The following FAR1 variants were observed in gnomAD, a reference collection of about 807,000 sequenced individuals.
FAR1 encodes male sterility domain-containing protein 2.
In FAR1, 22 loss-of-function variants were observed where a neutral mutation model predicts 61.1. The observed-to-expected ratio is 0.36, with a 90% CI of 0.26 to 0.51. The LOEUF is 0.51. Among genes scored for constraint, FAR1 ranks in the 20% least tolerant of loss-of-function variants. The pLI is 0.95. For synonymous variants in FAR1, 206 were observed against 209.7 expected (o/e 0.98, Z 0.15); for missense variants, 359 against 626.9 (o/e 0.57, Z 4.56).
chr11:13,725,480 A>G (rs1848659467), intron 10 of FAR1, among the ~76,000 whole-genome samples: 1 of 152,010 alleles, frequency 6.6e-6, no homozygotes, highest in African/African-American at 2.4e-5. Flanking sequence ...TGGAAAATAG[A>G]TTAGAGAGAT....
chr11:13,714,770 CTTA>C, intron 9 of FAR1, 90 bp downstream of exon 9: 1 of 1,238,320 alleles, frequency 8.1e-7, no homozygotes, highest in Middle Eastern at 2.0e-4. Context: ...TTTGTTTATG[CTTA>C]TGATAAGGCT....
At chr11:13,686,971 G>A (rs1848193591) in intron 1 of FAR1, among the ~76,000 whole-genome samples, 2 of 152,146 alleles carry the variant, frequency 1.3e-5, no homozygotes, top group Admixed American at 1.3e-4. Context: ...TTGCAAATGA[G>A]GAAACAGGTT....
At chr11:13,706,812 C>T (rs1848437710) in intron 3 of FAR1, among the ~76,000 whole-genome samples, 1 of 152,094 alleles carries the variant, frequency 6.6e-6, no homozygotes, top group Non-Finnish European at 1.5e-5. Context: ...TGTTTGGTGA[C>T]TATGTTAGAA....
At chr11:13,689,196 G>A (rs567415526) in intron 1 of FAR1, among the ~76,000 whole-genome samples, 6 of 152,160 alleles carry the variant, frequency 3.9e-5, no homozygotes, top group African/African-American at 1.2e-4. Flanking sequence ...AATAAATTCA[G>A]AAAGTCCATA....
At chr11:13,695,765 CTT>C (rs1565344090) in intron 2 of FAR1, among the ~76,000 whole-genome samples, 1 of 152,176 alleles carries the variant, frequency 6.6e-6, no homozygotes, top group Non-Finnish European at 1.5e-5. Flanking sequence ...ACCAACCAGA[CTT>C]TTGACTTTGA....
chr11:13,693,324 T>C (rs143741784), intron 1 of FAR1, among the ~76,000 whole-genome samples: 4 of 152,344 alleles, frequency 2.6e-5, no homozygotes, highest in Non-Finnish European at 5.9e-5. Context: ...GGCTGAGGAC[T>C]TAAAATGTAT....
At chr11:13,692,730 G>A (rs1242035805) in intron 1 of FAR1, among the ~76,000 whole-genome samples, 1 of 152,000 alleles carries the variant, frequency 6.6e-6, no homozygotes, top group Non-Finnish European at 1.5e-5. Context: ...ACTGGATTTT[G>A]TACTTACACC....
At chr11:13,680,223 T>G (rs931866535) in intron 1 of FAR1, among the ~76,000 whole-genome samples, 2 of 151,798 alleles carry the variant, frequency 1.3e-5, no homozygotes, top group African/African-American at 4.8e-5. Flanking sequence ...GGGTTTGCAT[T>G]TTGGCTCTTT....
At chr11:13,673,478 T>A (rs186341486) in intron 1 of FAR1, among the ~76,000 whole-genome samples, 31 of 152,306 alleles carry the variant, frequency 2.0e-4, no homozygotes, top group Non-Finnish European at 3.4e-4. Context: ...AGAGCTGGGA[T>A]TCAAACCTTT....
intron 6 of FAR1, 37 bp downstream of exon 6, chr11:13,711,845 A>AT: frequency 4.5e-6 from 7 of 1,565,732 alleles, no homozygotes; most frequent in Non-Finnish European, 6.1e-6. Context: ...TATTCTATAC[A>AT]TTTTTCTGCT....
chr11:13,683,368 G>C (rs1298325785), intron 1 of FAR1, among the ~76,000 whole-genome samples: 1 of 151,876 alleles, frequency 6.6e-6, no homozygotes, highest in Non-Finnish European at 1.5e-5. Context: ...ACTCCAGCCT[G>C]GCTGACAGAA....
intron 9 of FAR1, among the ~76,000 whole-genome samples, 170 bp downstream of exon 9, chr11:13,714,850 T>G (rs1009565429): frequency 6.6e-6 from 1 of 152,230 alleles, no homozygotes; most frequent in Non-Finnish European, 1.5e-5. Flanking sequence ...AAGGTAGTGT[T>G]GTAAGTCACT....
intron 9 of FAR1, among the ~76,000 whole-genome samples, chr11:13,716,083 A>G (rs193013063): frequency 4.9e-4 from 75 of 152,318 alleles, no homozygotes; most frequent in Admixed American, 3.1e-3. Context: ...AAAATGCAAT[A>G]CTTGCCATTG....
At chr11:13,708,449 A>ACACG (rs1848462054) in intron 4 of FAR1, among the ~76,000 whole-genome samples, 1 of 70,566 alleles carries the variant, frequency 1.4e-5, no homozygotes, top group South Asian at 4.6e-4. Flanking sequence ...GCGCGCGCGC[A>ACACG]CACACACACA....
intron 9 of FAR1, among the ~76,000 whole-genome samples, chr11:13,717,128 T>C (rs1240799213): frequency 5.9e-5 from 9 of 151,940 alleles, no homozygotes; most frequent in African/African-American, 2.2e-4. Context: ...CAGTTGCTTC[T>C]TCCCCACTCA....
Position 13,692,695 on chromosome 11 carries a change from A to G in FAR1, c.-7-2064A>G, listed in dbSNP as rs78096584. Among the ~76,000 whole-genome samples the G allele has an allele frequency of 0.018, 2,772 of 152,244 alleles. 194 individuals carry two copies. In the East Asian group the frequency reaches 0.24, roughly 13 times the overall value. On this transcript the variant is annotated intron_variant, in intron 1 of 11. Coordinates refer to ENST00000354817, the MANE Select transcript of FAR1 (RefSeq NM_032228.6). ...GTGACATTAAATTCGCTTGGGGGCT[A>G]TTAATTTTAATAGTCTATTTATTTA...
chr11:13,725,921 C>CT (rs1056860290), intron 10 of FAR1, among the ~76,000 whole-genome samples: 46 of 145,106 alleles, frequency 3.2e-4, no homozygotes, highest in African/African-American at 5.0e-4. Context: ...GTTCTTTTTT[C>CT]TTTTTTTTTT....
In FAR1 at chr11:13,714,598, T is replaced by C; in HGVS notation, c.1045T>C (p.Tyr349His). 1 of 1,613,650 alleles carries C rather than the reference T, an allele frequency of 6.2e-7. No individual in the cohort carries two copies. The highest frequency in any genetic ancestry group is 1.3e-5 in the African/African-American group (1 of 75,022). Residue 349 changes from tyrosine to histidine, a missense_variant, in exon 9 of 12, where the codon TAT becomes CAT. By Grantham distance (83) the Tyr-to-His change is moderately conservative (BLOSUM62 2). Coordinates refer to ENST00000354817, the MANE Select transcript of FAR1 (RefSeq NM_032228.6). Reference protein sequence around the residue: ...NVNLTSNHLLYHYWIAVSHKA... With the variant: ...NVNLTSNHLLHHYWIAVSHKA... ...AAATCTAACCTCCAATCATCTTTTA[T>C]ATCATTACTGGATTGCTGTAAGCCA... is the stretch of plus-strand genomic sequence containing the variant.
At position 13,694,925 on chromosome 11, in the gene FAR1, G is replaced by C. The variant is rs775362138; in HGVS notation, c.160G>C (p.Glu54Gln). ...GCAGAAAGCTGGACAGACACCACAA[G>C]AGCGAGTGGAAGAAGTCCTTAGTGG... ...VRQKAGQTPQ[E>Q]RVEEVLSGKL... The change falls in exon 2 of 12, where the codon GAG becomes CAG. Residue 54 changes from glutamate (E) to glutamine (Q), a missense_variant. Coordinates refer to ENST00000354817, the MANE Select transcript of FAR1 (RefSeq NM_032228.6). 6 of 1,613,080 alleles carry C rather than the reference G, an allele frequency of 3.7e-6. No homozygotes were observed. Among genetic ancestry groups the C allele is most frequent in the Non-Finnish European group, 5.1e-6 (6 of 1,179,600 alleles).
Sources: allele counts gnomAD v4.1 joint callset (sites outside exome capture counted in the v4.1 genomes callset), GRCh38; gene constraint gnomAD v4.1.1; transcripts MANE v1.5; gene names NCBI Gene and HGNC (gene_info 2026-07-23, HGNC 2026-07-21).